Variants in JARID2 observed in about 807,000 individuals in gnomAD.
The protein encoded by JARID2 is protein Jumonji.
A neutral mutation model predicts 125.6 loss-of-function variants in JARID2; 21 were observed. The observed-to-expected ratio is 0.17, with a 90% CI of 0.12 to 0.24. The LOEUF (loss-of-function observed/expected upper bound fraction) is 0.24. JARID2 is among the 10% of genes least tolerant of loss of function. The pLI, the probability that JARID2 is intolerant of heterozygous loss-of-function variation, is 1.00. For synonymous variants in JARID2, 736 were observed against 661.6 expected (o/e 1.11, Z -1.73); for missense variants, 1,303 against 1,639.6 (o/e 0.79, Z 3.55).
chr6:15,412,364 G>A (rs1007107916), intron 3 of JARID2, among the ~76,000 whole-genome samples: 1 of 152,094 alleles, frequency 6.6e-6, no homozygotes, highest in Non-Finnish European at 1.5e-5. Flanking sequence ...GCTGGAGTGT[G>A]GTGGTGCAAT....
chr6:15,511,224 G>A (rs1386418700), intron 12 of JARID2, 72 bp from the exon 13 acceptor site: 7 of 1,029,098 alleles, frequency 6.8e-6, no homozygotes, highest in South Asian at 3.8e-5. Flanking sequence ...TGAGGGTGAC[G>A]GGGGTGGCCC....
chr6:15,479,246 A>T (rs1286305985), intron 5 of JARID2, among the ~76,000 whole-genome samples: 1 of 152,210 alleles, frequency 6.6e-6, no homozygotes, highest in Non-Finnish European at 1.5e-5. Flanking sequence ...TCCTTTCCTC[A>T]GCACTTTTGG....
intron 2 of JARID2, among the ~76,000 whole-genome samples, chr6:15,388,442 A>G (rs544483705): frequency 5.9e-5 from 9 of 152,116 alleles, no homozygotes; most frequent in South Asian, 2.1e-4. Flanking sequence ...AGCTTCCTCT[A>G]TAGGCTTTAA....
intron 2 of JARID2, among the ~76,000 whole-genome samples, chr6:15,402,977 G>A (rs1561839135): frequency 6.6e-6 from 1 of 152,126 alleles, no homozygotes; most frequent in Non-Finnish European, 1.5e-5. Context: ...CGATTGTAGA[G>A]CATCGTGGGT....
intron 2 of JARID2, 131 bp downstream of exon 2, chr6:15,374,383 T>C: frequency 1.1e-6 from 1 of 885,520 alleles, no homozygotes; most frequent in Non-Finnish European, 1.8e-6. Context: ...GTAGGCTAGG[T>C]GAATCTGCAC....
chr6:15,440,328 G>A (rs988858820), intron 3 of JARID2, among the ~76,000 whole-genome samples: 2 of 152,214 alleles, frequency 1.3e-5, no homozygotes, highest in African/African-American at 2.4e-5. Context: ...GTACTGAGGC[G>A]AGGTGTCTGA....
intron 1 of JARID2, among the ~76,000 whole-genome samples, chr6:15,337,997 C>T (rs943483411): frequency 1.3e-5 from 2 of 152,180 alleles, no homozygotes; most frequent in Admixed American, 1.3e-4. Context: ...CCAAATCCTC[C>T]ACCTCACGGA....
chr6:15,497,997 C>T (rs1046914329), intron 7 of JARID2, among the ~76,000 whole-genome samples: 3 of 152,152 alleles, frequency 2.0e-5, no homozygotes, highest in African/African-American at 7.2e-5. Context: ...TAGGGCCCAT[C>T]CTACTGACCT....
intron 5 of JARID2, among the ~76,000 whole-genome samples, chr6:15,478,152 T>C (rs1769439272): frequency 2.0e-5 from 3 of 152,232 alleles, no homozygotes. Context: ...TTGGTGTTGT[T>C]ACCTTCGTAA....
chr6:15,358,261 G>A (rs1185922961), intron 1 of JARID2, among the ~76,000 whole-genome samples: 1 of 152,292 alleles, frequency 6.6e-6, no homozygotes, highest in South Asian at 2.1e-4. Flanking sequence ...TTTAATGTTA[G>A]TAGGAAGAAA....
At chr6:15,299,432 C>T (rs1761527053) in intron 1 of JARID2, among the ~76,000 whole-genome samples, 1 of 152,134 alleles carries the variant, frequency 6.6e-6, no homozygotes, top group Non-Finnish European at 1.5e-5. Context: ...CAGAGGGAAC[C>T]AAAACATTTG....
intron 2 of JARID2, among the ~76,000 whole-genome samples, chr6:15,389,647 C>G (rs1245888453): frequency 6.6e-6 from 1 of 152,176 alleles, no homozygotes; most frequent in East Asian, 1.9e-4. Context: ...CTGGAAGGCT[C>G]TCAGCTGGCA....
chr6:15,497,883 C>T (rs565480542), intron 7 of JARID2, among the ~76,000 whole-genome samples: 9 of 152,274 alleles, frequency 5.9e-5, no homozygotes, highest in Middle Eastern at 6.8e-3. Flanking sequence ...AACAAGACCT[C>T]CCTCCTTGGC....
chr6:15,350,115 A>G (rs1763374008), intron 1 of JARID2, among the ~76,000 whole-genome samples: 2 of 152,262 alleles, frequency 1.3e-5, no homozygotes, highest in South Asian at 4.1e-4. Flanking sequence ...CATCTGTTTT[A>G]ACACGCGGCT....
intron 3 of JARID2, 149 bp from the exon 4 acceptor site, chr6:15,451,857 A>T (rs1767934526): frequency 4.0e-6 from 3 of 751,180 alleles, no homozygotes; most frequent in African/African-American, 1.8e-5. Context: ...GGTTTATGAG[A>T]GTGTGAGAGA....
chr6:15,454,084 T>C (rs147654023), intron 4 of JARID2, among the ~76,000 whole-genome samples: 1 of 152,196 alleles, frequency 6.6e-6, no homozygotes, highest in Non-Finnish European at 1.5e-5. Flanking sequence ...TAAGGGAGGT[T>C]CATGTGCATT....
At chr6:15,297,294 C>T (rs951126657) in intron 1 of JARID2, among the ~76,000 whole-genome samples, 1 of 151,508 alleles carries the variant, frequency 6.6e-6, no homozygotes, top group South Asian at 2.1e-4. Flanking sequence ...GGATTATAGG[C>T]GCCGCCACCA....
chr6:15,356,338 C>A (rs1763599232), intron 1 of JARID2, among the ~76,000 whole-genome samples: 1 of 152,172 alleles, frequency 6.6e-6, no homozygotes, highest in Non-Finnish European at 1.5e-5. Flanking sequence ...TTTTGAGGAA[C>A]CCACACTTGG....
chr6:15,431,926 C>T (rs2127601035), intron 3 of JARID2, among the ~76,000 whole-genome samples: 1 of 152,252 alleles, frequency 6.6e-6, no homozygotes, highest in Middle Eastern at 3.4e-3. Context: ...CAGTAGGAAG[C>T]CTGTTCTCAG....
Sources: allele counts gnomAD v4.1 joint callset (sites outside exome capture counted in the v4.1 genomes callset), GRCh38; gene constraint gnomAD v4.1.1; transcripts MANE v1.5; gene names NCBI Gene and HGNC (gene_info 2026-07-23, HGNC 2026-07-21).